The following CNTLN variants were observed in gnomAD, a reference collection of about 807,000 sequenced individuals.
The protein encoded by CNTLN is centlein, also known as centlein, centrosomal protein.
In CNTLN, 212 loss-of-function variants were observed where a neutral mutation model predicts 180.0. The ratio of observed to expected loss-of-function variants is 1.18; its 90% CI spans 1.05 to 1.32. The LOEUF is 1.32. Ranked by LOEUF, CNTLN falls within the 40% of genes most tolerant of loss-of-function variation. The pLI is 0.00. For missense variants in CNTLN, 2,095 were observed against 1,610.9 expected (o/e 1.30, Z -5.14); for synonymous variants, 722 against 563.1 (o/e 1.28, Z -3.99).
At chr9:17,259,399 G>A (rs1235245527) in intron 5 of CNTLN, among the ~76,000 whole-genome samples, 2 of 134,006 alleles carry the variant, frequency 1.5e-5, no homozygotes, top group African/African-American at 3.0e-5. Flanking sequence ...GAGGATTTTT[G>A]CATCAATGTT....
At chr9:17,221,049 T>C (rs535461788) in intron 2 of CNTLN, among the ~76,000 whole-genome samples, 6 of 152,160 alleles carry the variant, frequency 3.9e-5, no homozygotes, top group Admixed American at 1.3e-4. Flanking sequence ...TAGTTAATGC[T>C]TTGACTTTCA....
intron 2 of CNTLN, among the ~76,000 whole-genome samples, chr9:17,212,649 C>A (rs1823412379): frequency 1.3e-5 from 2 of 152,254 alleles, no homozygotes; most frequent in South Asian, 4.2e-4. Context: ...CCTCCTTGTA[C>A]TTCTGGTAGA....
chr9:17,263,539 A>C (rs911645021), intron 5 of CNTLN, among the ~76,000 whole-genome samples: 1 of 151,620 alleles, frequency 6.6e-6, no homozygotes, highest in African/African-American at 2.4e-5. Flanking sequence ...ATGATTTATA[A>C]TCCTTTGGGT....
intron 7 of CNTLN, chr9:17,300,890 C>G (rs1818297609): frequency 1.3e-6 from 1 of 776,856 alleles, no homozygotes; most frequent in Admixed American, 6.3e-5. Context: ...TGCCTGAAAG[C>G]TTTCCTGCCC....
intron 5 of CNTLN, among the ~76,000 whole-genome samples, chr9:17,272,854 G>A (rs1828044305): frequency 6.6e-6 from 1 of 151,970 alleles, no homozygotes; most frequent in African/African-American, 2.4e-5. Flanking sequence ...TGGGCACAAA[G>A]ATAGAGTAAG....
intron 15 of CNTLN, among the ~76,000 whole-genome samples, chr9:17,400,222 C>G (rs191249391): frequency 6.6e-6 from 1 of 152,134 alleles, no homozygotes; most frequent in African/African-American, 2.4e-5. Context: ...ACTGCAATCT[C>G]CATCTCCCAG....
At position 17,327,030 on chromosome 9, in the gene CNTLN, C is replaced by G. The variant is rs182121988; in HGVS notation, c.1342-3602C>G. ...ATGAATATTGGTTCAGTAATTGTAA[C>G]AAATGTACCATACTAATTTAAGATG... On this transcript the variant is annotated intron_variant, in intron 8 of 25. Transcript: ENST00000380647. Among the ~76,000 whole-genome samples, 64 of 152,086 alleles carry G rather than the reference C, an allele frequency of 4.2e-4. 1 individual carries two copies. Among genetic ancestry groups the G allele is most frequent in the Middle Eastern group, 3.4e-3 (1 of 292 alleles).
At chr9:17,268,316 G>T (rs1277874837) in intron 5 of CNTLN, among the ~76,000 whole-genome samples, 3 of 152,182 alleles carry the variant, frequency 2.0e-5, no homozygotes, top group Admixed American at 6.5e-5. Flanking sequence ...GACCCTGTTT[G>T]CCTGGGTATC....
intron 18 of CNTLN, among the ~76,000 whole-genome samples, chr9:17,430,044 G>A (rs916771116): frequency 6.6e-6 from 1 of 151,866 alleles, no homozygotes; most frequent in African/African-American, 2.4e-5. Flanking sequence ...TTACCATATT[G>A]TATTTGAATT....
At chr9:17,322,347 A>G (rs1819973643) in intron 8 of CNTLN, among the ~76,000 whole-genome samples, 1 of 152,094 alleles carries the variant, frequency 6.6e-6, no homozygotes, top group African/African-American at 2.4e-5. Context: ...TCTAAAGGCC[A>G]TTGTGTATTA....
At chr9:17,147,929 C>A (rs1002389400) in intron 2 of CNTLN, among the ~76,000 whole-genome samples, 1 of 152,164 alleles carries the variant, frequency 6.6e-6, no homozygotes, top group African/African-American at 2.4e-5. Flanking sequence ...GATTGCTAAA[C>A]ATCTTGAAAT....
intron 2 of CNTLN, among the ~76,000 whole-genome samples, chr9:17,182,376 C>T (rs1417630873): frequency 2.0e-5 from 3 of 152,048 alleles, no homozygotes; most frequent in African/African-American, 7.2e-5. Flanking sequence ...ACCCAGGGAA[C>T]TTATTGCTGT....
intron 25 of CNTLN, among the ~76,000 whole-genome samples, chr9:17,500,840 T>C (rs1267673253): frequency 6.6e-6 from 1 of 152,230 alleles, no homozygotes; most frequent in East Asian, 1.9e-4. Context: ...CATTTTTTTG[T>C]GCATTTCTTT....
intron 18 of CNTLN, among the ~76,000 whole-genome samples, chr9:17,439,351 A>G (rs1308095780): frequency 5.9e-5 from 9 of 152,344 alleles, no homozygotes; most frequent in Non-Finnish European, 4.4e-5. Flanking sequence ...AAGGATTTGT[A>G]TCATATAAAT....
chr9:17,457,246 T>C (rs1484473468), intron 18 of CNTLN, among the ~76,000 whole-genome samples: 2 of 152,084 alleles, frequency 1.3e-5, no homozygotes, highest in African/African-American at 4.8e-5. Flanking sequence ...CACCCATGTA[T>C]GTGTGAAGGT....
chr9:17,478,953 C>A (rs1045215345), intron 23 of CNTLN, among the ~76,000 whole-genome samples: 5 of 152,098 alleles, frequency 3.3e-5, no homozygotes, highest in Non-Finnish European at 5.9e-5. Context: ...GAAACAAACT[C>A]AATGTCACTT....
At chr9:17,290,116 T>G (rs1829270480) in intron 6 of CNTLN, among the ~76,000 whole-genome samples, 1 of 152,192 alleles carries the variant, frequency 6.6e-6, no homozygotes, top group Non-Finnish European at 1.5e-5. Context: ...TTTTCTGTTC[T>G]GTTTTTTCCC....
intron 18 of CNTLN, among the ~76,000 whole-genome samples, chr9:17,433,595 G>C (rs1829561706): frequency 6.7e-6 from 1 of 148,982 alleles, no homozygotes; most frequent in African/African-American, 2.5e-5. Context: ...CCTATTTTTA[G>C]CTTTCTAAGA....
chr9:17,231,517 T>C lies in CNTLN; in HGVS notation c.535-4141T>C, dbSNP rs146118476. The stretch of plus-strand genomic sequence containing the variant: ...TATTGTGCTTTGATAGCATGACTTA[T>C]GATAACCTAGTAAATTGTATTTAAT... On this transcript the variant is annotated intron_variant, in intron 3 of 25. Coordinates refer to ENST00000380647, the MANE Select transcript of CNTLN (RefSeq NM_017738.4). Among the ~76,000 whole-genome samples the C allele has an allele frequency of 7.7e-3, 1,178 of 152,236 alleles. 8 individuals carry two copies. Among genetic ancestry groups the C allele is most frequent in the African/African-American group, 0.027 (1,120 of 41,566 alleles).
Sources: gnomAD v4.1 joint callset for allele counts (sites outside exome capture counted in the v4.1 genomes callset) on GRCh38, gnomAD v4.1.1 for gene constraint, MANE v1.5 for transcripts, NCBI Gene and HGNC (gene_info 2026-07-23, HGNC 2026-07-21) for gene names.